Variants in SCOC observed in about 807,000 individuals in gnomAD.
SCOC encodes short coiled-coil protein.
In SCOC, 7 loss-of-function variants were observed where a neutral mutation model predicts 9.9. The ratio of observed to expected loss-of-function variants is 0.71; its 90% CI spans 0.40 to 1.33. SCOC has a LOEUF of 1.33. Ranked by LOEUF, SCOC falls within the 40% of genes most tolerant of loss-of-function variation. The probability of loss-of-function intolerance (pLI) is 0.01; values close to 1 mark genes in which losing one functional copy is unlikely to be tolerated. For missense variants in SCOC, 66 were observed against 89.7 expected (o/e 0.74, Z 1.07); for synonymous variants, 19 against 28.2 (o/e 0.67, Z 1.03).
At chr4:140,353,413 C>CTTTTTTTTTTTTTT (rs1158574514) in intron 2 of SCOC, among the ~76,000 whole-genome samples, 1 of 145,616 alleles carries the variant, frequency 6.9e-6, no homozygotes, top group African/African-American at 2.6e-5. Context: ...TTTTCTTTTT[C>CTTTTTTTTTTTTTT]TTTTTTTTTT....
intron 1 of SCOC, among the ~76,000 whole-genome samples, chr4:140,313,592 G>C (rs1384301014): frequency 6.6e-6 from 1 of 152,194 alleles, no homozygotes; most frequent in Non-Finnish European, 1.5e-5. Flanking sequence ...CAAGTGTGGA[G>C]AGTAATAATG....
intron 2 of SCOC, among the ~76,000 whole-genome samples, chr4:140,353,419 T>C (rs4956530): frequency 0.57 from 85,405 of 150,676 alleles, 26,054 homozygotes; most frequent in Non-Finnish European, 0.7. Flanking sequence ...TTTTCTTTTT[T>C]TTTTTTTTTT....
rs1049174442 is a variant in SCOC, at chr4:140,385,112, A to G, written c.*4008A>G. The stretch of plus-strand genomic sequence containing the variant: ...CACCCATTTTCCCCACTGTTTCCCA[A>G]TACAAATTTCCCCAGTATTGACACT... On this transcript the variant is annotated 3_prime_UTR_variant, in exon 4 of 4. Transcript: ENST00000608372. 2.0e-5 allele frequency: 3 copies of G among 152,198 alleles called. No individual in the cohort carries two copies. The highest frequency in any genetic ancestry group is 4.4e-5 in the Non-Finnish European group (3 of 68,042). 9.4% of individuals were successfully genotyped at this position (152,198 alleles called of 1,614,324 possible). A position where few individuals can be genotyped will look rare whatever the true frequency, so the allele number is the denominator to read the frequency against.
chr4:140,355,249 A>G (rs1727175177), intron 2 of SCOC, among the ~76,000 whole-genome samples: 1 of 145,644 alleles, frequency 6.9e-6, no homozygotes, highest in Admixed American at 6.9e-5. Context: ...ATATATATAT[A>G]ATGTATATAA....
chr4:140,351,200 A>AT (rs1476500344), intron 2 of SCOC, among the ~76,000 whole-genome samples: 6 of 152,018 alleles, frequency 3.9e-5, no homozygotes, highest in Admixed American at 3.9e-4. Flanking sequence ...AAAAAAAAAA[A>AT]AAAAGAAGAA....
chr4:140,259,022 A>T (rs918289781), intron 1 of SCOC, among the ~76,000 whole-genome samples: 23 of 152,232 alleles, frequency 1.5e-4, no homozygotes, highest in Admixed American at 7.2e-4. Flanking sequence ...AACAAGTGGA[A>T]TTGGACGTCT....
chr4:140,289,342 G>A (rs998016237), intron 1 of SCOC, among the ~76,000 whole-genome samples: 9 of 152,284 alleles, frequency 5.9e-5, no homozygotes, highest in South Asian at 2.1e-4. Context: ...CATATCAGCC[G>A]CCCTTTTCAA....
chr4:140,347,348 G>A (rs1430454222), intron 2 of SCOC, among the ~76,000 whole-genome samples: 1 of 152,146 alleles, frequency 6.6e-6, no homozygotes, highest in Non-Finnish European at 1.5e-5. Flanking sequence ...CAACTGTACT[G>A]TAGCTGAACT....
intron 1 of SCOC, among the ~76,000 whole-genome samples, chr4:140,282,935 T>G (rs1731134267): frequency 6.6e-6 from 1 of 152,216 alleles, no homozygotes; most frequent in South Asian, 2.1e-4. Flanking sequence ...AAAAATAAAA[T>G]TTGCTCTTTG....
intron 1 of SCOC, among the ~76,000 whole-genome samples, chr4:140,279,754 A>C (rs1277204693): frequency 2.0e-5 from 3 of 152,210 alleles, no homozygotes; most frequent in Non-Finnish European, 4.4e-5. Flanking sequence ...AGACCTAAAA[A>C]TGCAGTGCTT....
chr4:140,371,448 G>C (rs1224766212), upstream of SCOC, among the ~76,000 whole-genome samples: 1 of 152,030 alleles, frequency 6.6e-6, no homozygotes, highest in Admixed American at 6.6e-5. Flanking sequence ...TTCTGTCGTG[G>C]TATCAGGATT....
intron 1 of SCOC, chr4:140,283,971 T>C (rs1410343020): frequency 6.6e-6 from 1 of 152,170 alleles, no homozygotes; most frequent in East Asian, 1.9e-4. Context: ...CCCTGTAATG[T>C]CCTCGGTGCA....
chr4:140,344,658 G>T (rs1167832018), intron 2 of SCOC, among the ~76,000 whole-genome samples: 1 of 152,110 alleles, frequency 6.6e-6, no homozygotes, highest in Non-Finnish European at 1.5e-5. Context: ...CTTTATAAGG[G>T]GAGGAAAGGT....
chr4:140,296,149 C>T (rs1731630565), intron 1 of SCOC, among the ~76,000 whole-genome samples: 1 of 152,060 alleles, frequency 6.6e-6, no homozygotes, highest in Admixed American at 6.5e-5. Flanking sequence ...GGTCGATCCA[C>T]ATGCCTAGGT....
intron 1 of SCOC, among the ~76,000 whole-genome samples, chr4:140,282,247 GT>G (rs1232569523): frequency 6.6e-6 from 1 of 152,046 alleles, no homozygotes; most frequent in African/African-American, 2.4e-5. Context: ...CCTCCTGCAG[GT>G]CCCTTGATAG....
At chr4:140,291,402 A>G (rs1245487759) in intron 1 of SCOC, 1 of 456,810 alleles carries the variant, frequency 2.2e-6, no homozygotes, top group South Asian at 1.5e-5. Context: ...TCTGCAGGGC[A>G]TGTGTCTTCC....
At chr4:140,278,668 T>C (rs1413476208) in intron 1 of SCOC, among the ~76,000 whole-genome samples, 1 of 152,186 alleles carries the variant, frequency 6.6e-6, no homozygotes, top group Non-Finnish European at 1.5e-5. Flanking sequence ...TCTAATACTA[T>C]CACTGTGTTG....
chr4:140,295,643 A>G (rs1194333083), intron 1 of SCOC, among the ~76,000 whole-genome samples: 1 of 152,226 alleles, frequency 6.6e-6, no homozygotes, highest in Non-Finnish European at 1.5e-5. Flanking sequence ...GACCACCTGC[A>G]TGAAAATCAC....
In SCOC at chr4:140,373,655, T is replaced by C; in HGVS notation, c.-113T>C. 3 of 1,551,434 alleles carry C rather than the reference T, an allele frequency of 1.9e-6. No homozygotes were observed. Among genetic ancestry groups the C allele is most frequent in the Non-Finnish European group, 2.6e-6 (3 of 1,146,944 alleles). On this transcript the variant is annotated 5_prime_UTR_variant, in exon 1 of 4. Coordinates refer to ENST00000608372, the MANE Select transcript of SCOC (RefSeq NM_001153484.2). ...GGGCGGAGCTGCCGGGGTCAGTTGG[T>C]CCAAGTGTCCCGGCCTGAGGTGTCG...
Sources: allele counts gnomAD v4.1 joint callset (sites outside exome capture counted in the v4.1 genomes callset), GRCh38; gene constraint gnomAD v4.1.1; transcripts MANE v1.5; gene names NCBI Gene and HGNC (gene_info 2026-07-23, HGNC 2026-07-21).